Variants in SLC35F2 observed in about 807,000 individuals in gnomAD.
SLC35F2 encodes the protein solute carrier family 35 member F2.
In SLC35F2, 25 loss-of-function variants were observed where a neutral mutation model predicts 38.1. The observed-to-expected ratio is 0.66, with a 90% CI of 0.48 to 0.92. The LOEUF is 0.92. Ranked by LOEUF, SLC35F2 falls within the 40% of genes least tolerant of loss-of-function variation. The pLI, the probability that SLC35F2 is intolerant of heterozygous loss-of-function variation, is 0.00. For missense variants in SLC35F2, 409 were observed against 452.9 expected (o/e 0.90, Z 0.88); for synonymous variants, 173 against 181.7 (o/e 0.95, Z 0.38).
At chr11:107,803,304 C>A in intron 6 of SLC35F2, 149 bp from the exon 7 acceptor site, 1 of 1,319,172 alleles carries the variant, frequency 7.6e-7, no homozygotes. Flanking sequence ...AAAATGAGAC[C>A]ATAAAGCTCT....
intron 1 of SLC35F2, among the ~76,000 whole-genome samples, chr11:107,830,220 C>T (rs1396083037): frequency 6.6e-6 from 1 of 152,090 alleles, no homozygotes; most frequent in Non-Finnish European, 1.5e-5. Flanking sequence ...AATAATTTGA[C>T]AACTAAATCT....
At chr11:107,848,357 G>C (rs1860129323) in intron 1 of SLC35F2, among the ~76,000 whole-genome samples, 1 of 152,180 alleles carries the variant, frequency 6.6e-6, no homozygotes, top group Admixed American at 6.5e-5. Context: ...ATTTGTTTTA[G>C]CTGCAGAGCC....
chr11:107,809,112 T>C (rs1487761731), intron 3 of SLC35F2, among the ~76,000 whole-genome samples: 1 of 152,032 alleles, frequency 6.6e-6, no homozygotes, highest in Non-Finnish European at 1.5e-5. Context: ...GATCACACAG[T>C]TTCCCTCCGA....
chr11:107,819,548 A>G (rs922415869), intron 1 of SLC35F2, among the ~76,000 whole-genome samples: 9 of 152,172 alleles, frequency 5.9e-5, no homozygotes, highest in African/African-American at 9.6e-5. Context: ...TGAAGGAGTC[A>G]TGGTTTGCAT....
At chr11:107,852,837 T>C (rs1366296596) in intron 1 of SLC35F2, among the ~76,000 whole-genome samples, 1 of 145,924 alleles carries the variant, frequency 6.9e-6, no homozygotes, top group East Asian at 2.0e-4. Context: ...ATTGCACCAC[T>C]GCACTCCAGC....
chr11:107,812,072 T>C (rs1457107029), intron 2 of SLC35F2, among the ~76,000 whole-genome samples: 1 of 151,470 alleles, frequency 6.6e-6, no homozygotes, highest in African/African-American at 2.4e-5. Context: ...CACCTAATTA[T>C]TTTTGTATTT....
At chr11:107,803,219 G>A in intron 6 of SLC35F2, 64 bp from the exon 7 acceptor site, 2 of 1,492,634 alleles carry the variant, frequency 1.3e-6, no homozygotes, top group Non-Finnish European at 1.8e-6. Context: ...AGGAGTTTGA[G>A]GCTTAGCTGT....
intron 3 of SLC35F2, chr11:107,810,249 A>G: frequency 1.0e-6 from 1 of 985,400 alleles, no homozygotes; most frequent in Non-Finnish European, 1.2e-6. Flanking sequence ...CCAAATGCTT[A>G]GGTTTTTCTA....
intron 6 of SLC35F2, chr11:107,803,653 A>C (rs1359851112): frequency 3.3e-6 from 1 of 301,558 alleles, no homozygotes; most frequent in Non-Finnish European, 4.9e-6. Flanking sequence ...ATCTCATTAA[A>C]TTAAGTGCTC....
chr11:107,827,038 A>G (rs1859763348), intron 1 of SLC35F2, among the ~76,000 whole-genome samples: 1 of 152,192 alleles, frequency 6.6e-6, no homozygotes, highest in Admixed American at 6.5e-5. Context: ...TATCGTATAT[A>G]CATACATATA....
intron 7 of SLC35F2, among the ~76,000 whole-genome samples, chr11:107,795,893 G>T (rs983736770): frequency 2.0e-5 from 3 of 152,200 alleles, no homozygotes; most frequent in African/African-American, 7.2e-5. Context: ...TAGCACTTTG[G>T]GAGGCTGAGG....
chr11:107,805,068 TG>T, intron 5 of SLC35F2: 6 of 985,398 alleles, frequency 6.1e-6, no homozygotes, highest in Non-Finnish European at 4.8e-6. Flanking sequence ...TAATATTTTC[TG>T]GAAATAACTA....
intron 1 of SLC35F2, among the ~76,000 whole-genome samples, chr11:107,848,525 C>T (rs750874396): frequency 6.6e-6 from 1 of 152,152 alleles, no homozygotes; most frequent in Non-Finnish European, 1.5e-5. Flanking sequence ...AGTGTCCTTA[C>T]AAAAGGGACT....
chr11:107,817,006 G>A (rs1246842268), intron 1 of SLC35F2, among the ~76,000 whole-genome samples: 4 of 152,110 alleles, frequency 2.6e-5, no homozygotes, highest in Non-Finnish European at 2.9e-5. Flanking sequence ...GGCTGGGTGC[G>A]GTGGCTCACA....
At chr11:107,846,760 T>C (rs1390640181) in intron 1 of SLC35F2, among the ~76,000 whole-genome samples, 1 of 151,920 alleles carries the variant, frequency 6.6e-6, no homozygotes, top group African/African-American at 2.4e-5. Context: ...GGTCAAACCC[T>C]CTCTCTACAA....
intron 1 of SLC35F2, among the ~76,000 whole-genome samples, chr11:107,843,234 G>T (rs1860039565): frequency 6.6e-6 from 1 of 152,116 alleles, no homozygotes; most frequent in East Asian, 1.9e-4. Flanking sequence ...CTAGCTTTAG[G>T]ACTGGTGATG....
At position 107,791,494 on chromosome 11, in the gene SLC35F2, G is replaced by A. The variant is rs1424692097; in HGVS notation, c.*1121C>T. 6.6e-6 allele frequency: 1 copy of A among 152,284 alleles called. No individual in the cohort carries two copies. 9.4% of individuals were successfully genotyped at this position (152,284 alleles called of 1,614,324 possible). A position where few individuals can be genotyped will look rare whatever the true frequency, so the allele number is the denominator to read the frequency against. On this transcript the variant is annotated 3_prime_UTR_variant, in exon 8 of 8. Transcript: ENST00000525815. Reference sequence around the variant, plus strand: ...AGTATGACCTGGGACTGAAACTGTGGAGCACATAGCCAGTGTCACAGGCTC... The same window carrying A: ...AGTATGACCTGGGACTGAAACTGTGAAGCACATAGCCAGTGTCACAGGCTC...
Position 107,842,234 on chromosome 11 carries a change from C to A in SLC35F2, c.110+16424G>T, listed in dbSNP as rs547095180. On this transcript the variant is annotated intron_variant, in intron 1 of 7. Transcript: ENST00000525815. ...TTGCGCCACTACACTCCAGCCTGGG[C>A]GACAGAGTGAGACTCCGTCTCACAA... is the stretch of plus-strand genomic sequence containing the variant. 7.2e-4 allele frequency among the ~76,000 whole-genome samples: 68 copies of A among 94,538 alleles called. 1 individual carries two copies. The highest frequency in any genetic ancestry group is 1.1e-3 in the Non-Finnish European group (61 of 53,248). 62.0% of individuals were successfully genotyped at this position (94,538 alleles called of 152,430 possible).
chr11:107,800,887 G>A (rs1859296847), intron 7 of SLC35F2, among the ~76,000 whole-genome samples: 1 of 148,120 alleles, frequency 6.8e-6, no homozygotes, highest in African/African-American at 2.5e-5. Context: ...AATCTATACA[G>A]TGAAAGCTAT....
Sources: gnomAD v4.1 joint callset for allele counts (sites outside exome capture counted in the v4.1 genomes callset) on GRCh38, gnomAD v4.1.1 for gene constraint, MANE v1.5 for transcripts, NCBI Gene and HGNC (gene_info 2026-07-23, HGNC 2026-07-21) for gene names.